PRKCA: variants seen among roughly 807,000 people sequenced by gnomAD.
PRKCA encodes the protein protein kinase C alpha.
A neutral mutation model predicts 87.0 loss-of-function variants in PRKCA; 27 were observed. That is an observed-to-expected ratio of 0.31 (90% confidence interval 0.23 to 0.43). The LOEUF is 0.43. Ranked by LOEUF, PRKCA falls within the 20% of genes least tolerant of loss-of-function variation. The pLI is 1.00. For missense variants in PRKCA, 518 were observed against 852.3 expected, an observed-to-expected ratio of 0.61 and a Z score of 4.88; for synonymous variants, 329 against 311.1, an observed-to-expected ratio of 1.06 and a Z score of -0.61.
chr17:66,624,799 T>G (rs1970800552), intron 3 of PRKCA, among the ~76,000 whole-genome samples: 2 of 133,854 alleles, frequency 1.5e-5, no homozygotes, highest in Non-Finnish European at 3.1e-5. Context: ...AATAAATAAA[T>G]AAATAAATAA....
chr17:66,490,736 A>G (rs899134346), intron 2 of PRKCA, among the ~76,000 whole-genome samples: 3 of 152,108 alleles, frequency 2.0e-5, no homozygotes, highest in African/African-American at 7.2e-5. Context: ...ACAAGCCACT[A>G]TGCCTTGCTA....
chr17:66,678,684 G>C (rs1322787817), intron 5 of PRKCA, among the ~76,000 whole-genome samples: 1 of 151,108 alleles, frequency 6.6e-6, no homozygotes, highest in African/African-American at 2.4e-5. Flanking sequence ...AAAAAGGACA[G>C]TCCCAGCCAC....
intron 3 of PRKCA, among the ~76,000 whole-genome samples, chr17:66,520,249 T>G (rs577815557): frequency 5.9e-4 from 90 of 151,980 alleles, no homozygotes; most frequent in Admixed American, 1.0e-3. Flanking sequence ...GTCTTCCAAG[T>G]AGCTGGGATT....
intron 2 of PRKCA, among the ~76,000 whole-genome samples, chr17:66,440,321 A>G (rs1418137180): frequency 6.6e-6 from 1 of 152,222 alleles, no homozygotes; most frequent in Non-Finnish European, 1.5e-5. Flanking sequence ...GTACCTGAAG[A>G]GTGTGGTGCC....
intron 8 of PRKCA, among the ~76,000 whole-genome samples, chr17:66,702,135 CATAT>C (rs147965167): frequency 6.7e-6 from 1 of 150,128 alleles, no homozygotes; most frequent in Non-Finnish European, 1.5e-5. Flanking sequence ...TGTGCATATT[CATAT>C]ATATATATAT....
Position 66,804,541 on chromosome 17 carries a change from C to T in PRKCA, c.*504C>T, listed in dbSNP as rs565584159. The T allele has an allele frequency of 7.0e-4, 107 of 153,342 alleles. No homozygotes were observed. The highest frequency in any genetic ancestry group is 1.3e-3 in the Non-Finnish European group (86 of 68,788). 9.5% of individuals were successfully genotyped at this position (153,342 alleles called of 1,614,324 possible). The stretch of plus-strand genomic sequence containing the variant: ...CCTCAAAATACCGACTGCGTCCATT[C>T]TCTGCCTCCATGGAAACAGCCCCTA... On this transcript the variant is annotated 3_prime_UTR_variant, in exon 17 of 17. Transcript: ENST00000413366.
Position 66,768,621 on chromosome 17 carries a change from G to A in PRKCA, c.1525-5366G>A, listed in dbSNP as rs184029412. Among the ~76,000 whole-genome samples, 268 of 152,326 alleles carry A rather than the reference G, an allele frequency of 1.8e-3. 1 individual carries two copies. The highest frequency in any genetic ancestry group is 6.2e-3 in the African/African-American group (257 of 41,570). ...ATGGCGGAAGGCAGAGGGGAAGTAAGCATGTCTTACCATGGCGGAGCAGGG... is the reference window on the plus strand; with the variant it reads ...ATGGCGGAAGGCAGAGGGGAAGTAAACATGTCTTACCATGGCGGAGCAGGG... On this transcript the variant is annotated intron_variant, in intron 13 of 16. Coordinates refer to ENST00000413366, the MANE Select transcript of PRKCA (RefSeq NM_002737.3).
At chr17:66,528,440 G>T (rs1200456955) in intron 3 of PRKCA, among the ~76,000 whole-genome samples, 5 of 152,102 alleles carry the variant, frequency 3.3e-5, no homozygotes, top group African/African-American at 1.2e-4. Flanking sequence ...ATTACCCTGG[G>T]TTATCTGGGT....
At chr17:66,790,651 C>T (rs1975512040) in intron 16 of PRKCA, among the ~76,000 whole-genome samples, 2 of 152,118 alleles carry the variant, frequency 1.3e-5, no homozygotes, top group Admixed American at 6.5e-5. Context: ...GCGTACTGAC[C>T]CCGCCTTGAG....
intron 2 of PRKCA, chr17:66,340,038 G>A (rs988436125): frequency 3.3e-5 from 5 of 152,132 alleles, no homozygotes. Context: ...CATTTGATGT[G>A]CTCTTCTAGG....
At chr17:66,629,535 A>T (rs1970952802) in intron 3 of PRKCA, among the ~76,000 whole-genome samples, 1 of 152,218 alleles carries the variant, frequency 6.6e-6, no homozygotes, top group Non-Finnish European at 1.5e-5. Flanking sequence ...AGACTTGGCC[A>T]TGAATTCTTA....
intron 8 of PRKCA, among the ~76,000 whole-genome samples, chr17:66,706,029 A>AGCGAG (rs1973183238): frequency 6.6e-6 from 1 of 152,184 alleles, no homozygotes. Flanking sequence ...CTTGAGCTCT[A>AGCGAG]GATCTTGCAC....
chr17:66,381,340 A>G (rs754635435), intron 2 of PRKCA, among the ~76,000 whole-genome samples: 1 of 152,226 alleles, frequency 6.6e-6, no homozygotes, highest in Non-Finnish European at 1.5e-5. Context: ...GCCAATTATG[A>G]GTCAGTTTTT....
intron 3 of PRKCA, among the ~76,000 whole-genome samples, chr17:66,640,345 G>A (rs1971257398): frequency 6.6e-6 from 1 of 152,214 alleles, no homozygotes; most frequent in African/African-American, 2.4e-5. Context: ...TAATCTGTGA[G>A]TTGAGGGACA....
intron 2 of PRKCA, among the ~76,000 whole-genome samples, chr17:66,320,388 T>TA (rs67339544): frequency 1.8e-4 from 26 of 141,916 alleles, no homozygotes; most frequent in African/African-American, 4.1e-4. Context: ...TTTTTTTTTT[T>TA]AAAAAAAGAA....
intron 16 of PRKCA, among the ~76,000 whole-genome samples, chr17:66,794,593 TG>T (rs1177611033): frequency 2.0e-5 from 3 of 150,800 alleles, no homozygotes; most frequent in Non-Finnish European, 4.4e-5. Flanking sequence ...CGTGTTATAT[TG>T]TTTTTTTTGT....
At chr17:66,501,647 T>C (rs1325727706) in intron 3 of PRKCA, among the ~76,000 whole-genome samples, 1 of 152,194 alleles carries the variant, frequency 6.6e-6, no homozygotes, top group Non-Finnish European at 1.5e-5. Context: ...TTTCCAGGTG[T>C]GTGGCCCTAG....
At chr17:66,483,672 A>T (rs942051128) in intron 2 of PRKCA, among the ~76,000 whole-genome samples, 1 of 151,986 alleles carries the variant, frequency 6.6e-6, no homozygotes, top group Admixed American at 6.6e-5. Flanking sequence ...TGTGTTATCC[A>T]GGATGTTCTC....
chr17:66,544,636 A>G (rs1382051625), intron 3 of PRKCA, among the ~76,000 whole-genome samples: 1 of 152,092 alleles, frequency 6.6e-6, no homozygotes, highest in Non-Finnish European at 1.5e-5. Context: ...TTTGTCACCC[A>G]GGCTGGAGTA....
Sources: gnomAD v4.1 joint callset for allele counts (sites outside exome capture counted in the v4.1 genomes callset) on GRCh38, gnomAD v4.1.1 for gene constraint, MANE v1.5 for transcripts, NCBI Gene and HGNC (gene_info 2026-07-23, HGNC 2026-07-21) for gene names.